Variants in PAIP2 observed in about 807,000 individuals in gnomAD.
The protein encoded by PAIP2 is polyadenylate-binding protein-interacting protein 2.
In PAIP2, 7 loss-of-function variants were observed where a neutral mutation model predicts 14.8. The ratio of observed to expected loss-of-function variants is 0.47; its 90% CI spans 0.27 to 0.89. PAIP2 has a LOEUF of 0.89. Among genes scored for constraint, PAIP2 ranks in the 40% least tolerant of loss-of-function variants. PAIP2 has a pLI of 0.13. For synonymous variants in PAIP2, 47 were observed against 45.3 expected (o/e 1.04, Z -0.15); for missense variants, 122 against 154.7 (o/e 0.79, Z 1.12).
In PAIP2 at chr5:139,346,310, TG is replaced by T. The variant is rs1300111781; in HGVS notation, c.-27+4332del. On this transcript the variant is annotated intron_variant, in intron 1 of 3. Coordinates refer to ENST00000265192, the MANE Select transcript of PAIP2 (RefSeq NM_016480.5). ...AGGCCGGAGTGCAGTGGCGCAATCT[TG>T]GCTCACTGCAACCTCCGCCTCCCAG... Among the ~76,000 whole-genome samples, 14 of 152,330 alleles carry T rather than the reference TG, an allele frequency of 9.2e-5. No homozygotes were observed. The East Asian group carries it at 2.5e-3, about 27-fold the overall frequency.
chr5:139,362,662 G>A (rs534257481), intron 1 of PAIP2, among the ~76,000 whole-genome samples: 22 of 150,914 alleles, frequency 1.5e-4, no homozygotes, highest in Admixed American at 9.2e-4. Context: ...CACCTGCCTC[G>A]GCCTCCCAAA....
chr5:139,360,747 G>C (rs1039413440), intron 1 of PAIP2, among the ~76,000 whole-genome samples: 4 of 151,188 alleles, frequency 2.6e-5, no homozygotes, highest in Non-Finnish European at 4.4e-5. Flanking sequence ...ACAGGCATGA[G>C]CCGCACCCAG....
chr5:139,342,578 T>C (rs962994400), intron 1 of PAIP2: 1 of 152,174 alleles, frequency 6.6e-6, no homozygotes, highest in East Asian at 1.9e-4. Context: ...TATTTTTGGT[T>C]GTATTGCAGC....
Position 139,359,930 on chromosome 5 carries a change from C to T in PAIP2, c.-26-3829C>T, listed in dbSNP as rs1474252603. On this transcript the variant is annotated intron_variant, in intron 1 of 3. Coordinates refer to ENST00000265192, the MANE Select transcript of PAIP2 (RefSeq NM_016480.5). ...AGGTTGCAGTGAGCTGAGATTGCAC[C>T]ACTGTACTCTCCGTCTCAAAAAAAA... Among the ~76,000 whole-genome samples, 15 of 151,916 alleles carry T rather than the reference C, an allele frequency of 9.9e-5. No homozygotes were observed. The East Asian group carries it at 2.7e-3, about 28-fold the overall frequency.
At chr5:139,363,217 G>A (rs542999341) in intron 1 of PAIP2, among the ~76,000 whole-genome samples, 7 of 151,984 alleles carry the variant, frequency 4.6e-5, no homozygotes, top group Non-Finnish European at 7.4e-5. Context: ...TTCCAGCCTG[G>A]GTGACAGAGT....
At chr5:139,360,591 C>T (rs1015717935) in intron 1 of PAIP2, among the ~76,000 whole-genome samples, 1 of 151,956 alleles carries the variant, frequency 6.6e-6, no homozygotes, top group Non-Finnish European at 1.5e-5. Flanking sequence ...CTCCCAGGGT[C>T]AGGAGATCCT....
chr5:139,362,806 C>T (rs1281021581), intron 1 of PAIP2, among the ~76,000 whole-genome samples: 1 of 152,028 alleles, frequency 6.6e-6, no homozygotes, highest in Non-Finnish European at 1.5e-5. Flanking sequence ...TCCCAAAGTG[C>T]CGGGATTATA....
intron 1 of PAIP2, 123 bp from the exon 2 acceptor site, chr5:139,363,636 G>C: frequency 2.7e-6 from 2 of 739,138 alleles, no homozygotes. Context: ...GCAAGAGATC[G>C]AGGCTGTGGT....
At chr5:139,354,412 A>G (rs1409922771) in intron 1 of PAIP2, among the ~76,000 whole-genome samples, 3 of 152,076 alleles carry the variant, frequency 2.0e-5, no homozygotes, top group African/African-American at 7.2e-5. Flanking sequence ...CTTGTATGTA[A>G]TGAGTTGCTT....
chr5:139,352,330 G>T (rs1377207568), intron 1 of PAIP2, among the ~76,000 whole-genome samples: 1 of 151,602 alleles, frequency 6.6e-6, no homozygotes, highest in Non-Finnish European at 1.5e-5. Flanking sequence ...TTATGAAGAC[G>T]TGTTATCTCC....
At position 139,368,335 on chromosome 5, in the gene PAIP2, G is replaced by A. The variant is rs560134568; in HGVS notation, c.319-398G>A. ...AGCCTGGGTGACAGAGTGAGACTCC[G>A]TCTCATAAAAAAAAAACTAAATAAA... On this transcript the variant is annotated intron_variant, in intron 3 of 3. Coordinates refer to ENST00000265192, the MANE Select transcript of PAIP2 (RefSeq NM_016480.5). Among the ~76,000 whole-genome samples the A allele has an allele frequency of 8.6e-5, 13 of 151,564 alleles. No homozygotes were observed. The East Asian group carries it at 1.9e-3, about 23-fold the overall frequency.
At chr5:139,362,716 G>A (rs1231158825) in intron 1 of PAIP2, among the ~76,000 whole-genome samples, 1 of 151,264 alleles carries the variant, frequency 6.6e-6, no homozygotes, top group Non-Finnish European at 1.5e-5. Context: ...GGCCTTTTTT[G>A]TATTTTTAGT....
chr5:139,362,698 C>T (rs947312920), intron 1 of PAIP2, among the ~76,000 whole-genome samples: 4 of 151,854 alleles, frequency 2.6e-5, no homozygotes, highest in Admixed American at 1.3e-4. Context: ...GCATGAGCCA[C>T]CGCGCCTGGC....
chr5:139,347,309 T>A (rs576197746), intron 1 of PAIP2, among the ~76,000 whole-genome samples: 1 of 144,396 alleles, frequency 6.9e-6, no homozygotes, highest in African/African-American at 2.6e-5. Context: ...AGTTCCGCTC[T>A]GTCGCCCAGG....
At chr5:139,361,630 T>G (rs1410620985) in intron 1 of PAIP2, among the ~76,000 whole-genome samples, 1 of 152,108 alleles carries the variant, frequency 6.6e-6, no homozygotes, top group East Asian at 1.9e-4. Flanking sequence ...GGCTTGTATT[T>G]GATACTACTT....
intron 3 of PAIP2, among the ~76,000 whole-genome samples, chr5:139,366,202 CAAAAA>C (rs1215094572): frequency 3.9e-5 from 1 of 25,324 alleles, no homozygotes; most frequent in Non-Finnish European, 8.9e-5. Flanking sequence ...GACTCCACCT[CAAAAA>C]AAAAAAAAAA....
At chr5:139,365,534 C>T (rs902486063) in intron 3 of PAIP2, among the ~76,000 whole-genome samples, 3 of 151,446 alleles carry the variant, frequency 2.0e-5, no homozygotes, top group Admixed American at 6.6e-5. Flanking sequence ...GACATGGTGG[C>T]GGGCGCCTGT....
intron 1 of PAIP2, among the ~76,000 whole-genome samples, chr5:139,359,846 C>T (rs1757018051): frequency 6.6e-6 from 1 of 151,672 alleles, no homozygotes; most frequent in Admixed American, 6.6e-5. Flanking sequence ...GTGGCACGCT[C>T]CTGTAATCCC....
chr5:139,358,536 G>GA lies in PAIP2; in HGVS notation c.-26-5219dup, dbSNP rs542817574. Among the ~76,000 whole-genome samples the GA allele has an allele frequency of 5.3e-5, 8 of 151,972 alleles. No individual in the cohort carries two copies. The South Asian group carries it at 1.5e-3, about 28-fold the overall frequency. On this transcript the variant is annotated intron_variant, in intron 1 of 3. Transcript: ENST00000265192. ...CATTGGGTATATATTCAAGAGAACT[G>GA]AAAACGTGCTCATATAAAAACTTGT...
Sources: gnomAD v4.1 joint callset for allele counts (sites outside exome capture counted in the v4.1 genomes callset) on GRCh38, gnomAD v4.1.1 for gene constraint, MANE v1.5 for transcripts, NCBI Gene and HGNC (gene_info 2026-07-23, HGNC 2026-07-21) for gene names.